NAALADL2: variants seen among roughly 807,000 people sequenced by gnomAD.
The protein encoded by NAALADL2 is N-acetylated alpha-linked acidic dipeptidase like 2.
A neutral mutation model predicts 87.2 loss-of-function variants in NAALADL2; 76 were observed. That is an observed-to-expected ratio of 0.87 (90% CI 0.72 to 1.05). NAALADL2 has a LOEUF of 1.05. Among genes scored for constraint, NAALADL2 ranks in the 50% least tolerant of loss-of-function variants. The pLI is 0.00. For missense variants in NAALADL2, 1,089 were observed against 945.8 expected (o/e 1.15, Z -1.99); for synonymous variants, 354 against 331.0 (o/e 1.07, Z -0.75).
At chr3:174,780,867 G>A (rs555077) in intron 3 of NAALADL2, among the ~76,000 whole-genome samples, 47,112 of 151,782 alleles carry the variant, frequency 0.31, 7,289 homozygotes, top group Middle Eastern at 0.37. Context: ...CAGTTTCTTC[G>A]TACTGTTGAT....
At chr3:175,130,072 G>A (rs1211770039) in intron 2 of NAALADL2, among the ~76,000 whole-genome samples, 4 of 152,030 alleles carry the variant, frequency 2.6e-5, no homozygotes, top group South Asian at 2.1e-4. Flanking sequence ...TGTTGTATAC[G>A]TTTTCATATA....
chr3:175,166,553 GC>G (rs1375724982), intron 2 of NAALADL2, among the ~76,000 whole-genome samples: 1 of 145,226 alleles, frequency 6.9e-6, no homozygotes, highest in Non-Finnish European at 1.5e-5. Flanking sequence ...TTTTTGACTT[GC>G]AAAACACCAC....
chr3:175,026,432 G>C (rs1752233213), intron 1 of NAALADL2, among the ~76,000 whole-genome samples: 1 of 149,074 alleles, frequency 6.7e-6, no homozygotes, highest in African/African-American at 2.5e-5. Context: ...GGATCATGAG[G>C]TCAGGAGTTC....
At chr3:175,040,025 G>A (rs1753876970) in intron 1 of NAALADL2, among the ~76,000 whole-genome samples, 1 of 151,952 alleles carries the variant, frequency 6.6e-6, no homozygotes, top group Non-Finnish European at 1.5e-5. Flanking sequence ...ATGCGCACAG[G>A]CATATGTGCA....
At chr3:174,447,610 G>C (rs1007360154) in intron 1 of NAALADL2, among the ~76,000 whole-genome samples, 9 of 152,090 alleles carry the variant, frequency 5.9e-5, no homozygotes, top group African/African-American at 2.2e-4. Flanking sequence ...GAGGTCAGGA[G>C]ATTGAGACCA....
intron 1 of NAALADL2, among the ~76,000 whole-genome samples, chr3:175,076,977 T>C (rs1716725664): frequency 6.6e-6 from 1 of 152,222 alleles, no homozygotes; most frequent in Non-Finnish European, 1.5e-5. Context: ...TAACATATGA[T>C]GACTGTAATT....
At chr3:174,689,113 A>T (rs1440886186) in intron 2 of NAALADL2, among the ~76,000 whole-genome samples, 3 of 152,178 alleles carry the variant, frequency 2.0e-5, no homozygotes, top group South Asian at 2.1e-4. Context: ...GATTATTGAC[A>T]TGAATAAAAA....
intron 4 of NAALADL2, among the ~76,000 whole-genome samples, chr3:175,312,963 T>C (rs6802941): frequency 0.51 from 78,141 of 151,980 alleles, 22,291 homozygotes; most frequent in African/African-American, 0.77. Context: ...GCTGCCATAG[T>C]AAAATACCAT....
intron 5 of NAALADL2, among the ~76,000 whole-genome samples, chr3:175,345,015 G>C (rs951082062): frequency 6.6e-6 from 1 of 151,958 alleles, no homozygotes; most frequent in Non-Finnish European, 1.5e-5. Context: ...GATGATAATA[G>C]GTAGAAAAAT....
intron 11 of NAALADL2, among the ~76,000 whole-genome samples, chr3:175,734,913 C>T (rs978728235): frequency 1.3e-5 from 2 of 152,216 alleles, no homozygotes; most frequent in African/African-American, 2.4e-5. Flanking sequence ...TCCTTTTTTA[C>T]TTAGGCAAAT....
At chr3:175,145,602 C>G (rs1431034397) in intron 2 of NAALADL2, among the ~76,000 whole-genome samples, 1 of 151,880 alleles carries the variant, frequency 6.6e-6, no homozygotes, top group Non-Finnish European at 1.5e-5. Flanking sequence ...TAGTGCTGAA[C>G]CAGGGACTTA....
Position 175,276,649 on chromosome 3 carries a change from A to G in NAALADL2, c.939+20119A>G, listed in dbSNP as rs115474005. ...ATAGCTTTCAGCAGCTTATGGCAAG[A>G]AAGTAATTTTCACAAGTCATGTGAA... On this transcript the variant is annotated intron_variant, in intron 4 of 13. Transcript: ENST00000454872. 8.3e-3 allele frequency among the ~76,000 whole-genome samples: 1,267 copies of G among 152,296 alleles called. 25 individuals are homozygous for G. The highest frequency in any genetic ancestry group is 0.029 in the African/African-American group (1,206 of 41,550).
chr3:175,155,975 T>A (rs140791001), intron 2 of NAALADL2, among the ~76,000 whole-genome samples: 2,951 of 152,302 alleles, frequency 0.019, 87 homozygotes, highest in African/African-American at 0.066. Flanking sequence ...AAACAAGTGC[T>A]TATTAAAATT....
intron 5 of NAALADL2, among the ~76,000 whole-genome samples, chr3:175,395,939 C>A (rs916506492): frequency 1.3e-5 from 2 of 152,104 alleles, no homozygotes; most frequent in Admixed American, 1.3e-4. Context: ...TGTTACTTTG[C>A]ATATTACCAA....
chr3:174,994,185 G>T (rs1335077099), intron 1 of NAALADL2, among the ~76,000 whole-genome samples: 1 of 152,148 alleles, frequency 6.6e-6, no homozygotes, highest in Non-Finnish European at 1.5e-5. Context: ...GACTAAAATA[G>T]CAGGTCAGTA....
At chr3:175,653,574 C>A (rs1179609101) in intron 11 of NAALADL2, among the ~76,000 whole-genome samples, 12 of 152,180 alleles carry the variant, frequency 7.9e-5, no homozygotes, top group Non-Finnish European at 1.6e-4. Flanking sequence ...CCCCAGCCCC[C>A]ACCACCTTTT....
chr3:175,667,750 T>G (rs1733403946), intron 11 of NAALADL2, among the ~76,000 whole-genome samples: 2 of 151,232 alleles, frequency 1.3e-5, no homozygotes, highest in African/African-American at 4.9e-5. Context: ...GCTGTTTTTT[T>G]TTTTTTTTTT....
At chr3:175,187,556 G>A (rs925405899) in intron 2 of NAALADL2, among the ~76,000 whole-genome samples, 1 of 152,124 alleles carries the variant, frequency 6.6e-6, no homozygotes, top group African/African-American at 2.4e-5. Flanking sequence ...AGAACAAAGT[G>A]CTTCCAAATG....
At chr3:175,649,614 T>C (rs909843687) in intron 11 of NAALADL2, among the ~76,000 whole-genome samples, 2 of 152,146 alleles carry the variant, frequency 1.3e-5, no homozygotes, top group Non-Finnish European at 2.9e-5. Flanking sequence ...AGTGCTCACA[T>C]GGCCTTTCCT....
Sources: gnomAD v4.1 joint callset for allele counts (sites outside exome capture counted in the v4.1 genomes callset) on GRCh38, gnomAD v4.1.1 for gene constraint, MANE v1.5 for transcripts, NCBI Gene and HGNC (gene_info 2026-07-23, HGNC 2026-07-21) for gene names.